TSPAN15: variants seen among roughly 807,000 people sequenced by gnomAD.
TSPAN15 encodes the protein tetraspanin-15.
A neutral mutation model predicts 34.5 loss-of-function variants in TSPAN15; 20 were observed. The observed-to-expected ratio is 0.58, with a 90% CI of 0.41 to 0.84. The LOEUF (loss-of-function observed/expected upper bound fraction) is 0.84, where lower values mean the gene tolerates loss of function less well. Ranked by LOEUF, TSPAN15 falls within the 40% of genes least tolerant of loss-of-function variation. TSPAN15 has a pLI of 0.00. For synonymous variants in TSPAN15, 155 were observed against 153.9 expected (o/e 1.01, Z -0.05); for missense variants, 313 against 386.1 (o/e 0.81, Z 1.59).
the TSPAN15 span, among the ~76,000 whole-genome samples, chr10:69,522,672 T>C: frequency 4.1e-5 from 6 of 147,314 alleles, no homozygotes; most frequent in South Asian, 1.3e-3. Context: ...GCAAACCCTA[T>C]TGTGAACTGT....
At chr10:69,504,709 C>T (rs557357375) in intron 6 of TSPAN15, among the ~76,000 whole-genome samples, 3 of 152,280 alleles carry the variant, frequency 2.0e-5, no homozygotes, top group African/African-American at 7.2e-5. Context: ...CAGGGTTTGC[C>T]GAGCACCTAC....
At chr10:69,472,985 T>C (rs1196056300) in intron 1 of TSPAN15, among the ~76,000 whole-genome samples, 1 of 152,196 alleles carries the variant, frequency 6.6e-6, no homozygotes, top group Non-Finnish European at 1.5e-5. Flanking sequence ...AGCCACCATG[T>C]CCTGTATGCT....
chr10:69,460,734 G>A (rs1345043984), intron 1 of TSPAN15, among the ~76,000 whole-genome samples: 1 of 152,158 alleles, frequency 6.6e-6, no homozygotes, highest in African/African-American at 2.4e-5. Flanking sequence ...TTACAGAGGA[G>A]TCTTTGGGAG....
chr10:69,467,206 C>T (rs79750786), intron 1 of TSPAN15, among the ~76,000 whole-genome samples: 3,144 of 152,270 alleles, frequency 0.021, 56 homozygotes, highest in Non-Finnish European at 0.033. Context: ...TTCTAAAGCC[C>T]TCGGCACCCT....
At chr10:69,541,790 C>CTATA in the TSPAN15 span, among the ~76,000 whole-genome samples, 2 of 152,238 alleles carry the variant, frequency 1.3e-5, no homozygotes, top group African/African-American at 4.8e-5. Context: ...ATGGCCTAAG[C>CTATA]TATACATTGA....
At position 69,492,136 on chromosome 10, in the gene TSPAN15, G is replaced by T. The variant is rs185096679; in HGVS notation, c.358-3458G>T. ...AGTCCTCACTGGAGCTGCCCCTGCT[G>T]GCATGGCCTGGTTTGGAGGGGAATG... On this transcript the variant is annotated intron_variant, in intron 3 of 7. Coordinates refer to ENST00000373290, the MANE Select transcript of TSPAN15 (RefSeq NM_012339.5). 1.6e-4 allele frequency among the ~76,000 whole-genome samples: 25 copies of T among 152,320 alleles called. No homozygotes were observed. The East Asian group carries it at 3.7e-3, about 22-fold the overall frequency.
the TSPAN15 span, among the ~76,000 whole-genome samples, chr10:69,513,500 C>T: frequency 0.6 from 90,663 of 151,974 alleles, 27,473 homozygotes; most frequent in African/African-American, 0.66. Context: ...AGCCACCGTG[C>T]CCAGTCTGTG....
At chr10:69,452,617 G>A (rs964481842) in intron 1 of TSPAN15, among the ~76,000 whole-genome samples, 5 of 152,176 alleles carry the variant, frequency 3.3e-5, no homozygotes, top group African/African-American at 1.2e-4. Flanking sequence ...TATTACTATC[G>A]TGGGCAGGGA....
intron 1 of TSPAN15, among the ~76,000 whole-genome samples, chr10:69,464,045 G>A (rs1007590058): frequency 6.6e-6 from 1 of 152,184 alleles, no homozygotes; most frequent in Admixed American, 6.5e-5. Flanking sequence ...AGGAAACTGA[G>A]TATACACGGC....
At position 69,452,809 on chromosome 10, in the gene TSPAN15, G is replaced by C. The variant is rs138422596; in HGVS notation, c.96+1119G>C. ...AAGAGCAGACTTGCCCAGGGACCCA[G>C]GGTGGTCACTGACACCCCATTCCCA... On this transcript the variant is annotated intron_variant, in intron 1 of 7. Transcript: ENST00000373290. Among the ~76,000 whole-genome samples, 202 of 152,306 alleles carry C rather than the reference G, an allele frequency of 1.3e-3. 4 individuals are homozygous for C. The highest frequency in any genetic ancestry group is 3.4e-3 in the Middle Eastern group (1 of 294).
chr10:69,506,213 C>T lies in TSPAN15; in HGVS notation c.708C>T (p.Gly236=), dbSNP rs1230607193. ...TGGACAACTACACCATCATGGCGGGCATCCTCCTGGGCATCCTGCTTCCCC... is the reference window on the plus strand; with the variant it reads ...TGGACAACTACACCATCATGGCGGGTATCCTCCTGGGCATCCTGCTTCCCC... ...WFMDNYTIMA[G]ILLGILLPQF... is the part of the protein sequence containing the mutation. The change falls in exon 7 of 8, where the codon GGC becomes GGT. Residue 236 remains glycine (G), a synonymous_variant. Transcript: ENST00000373290. This position sits in a 1 kb window ranked among gnomAD's most constrained non-coding sequence, Gnocchi z 4.7. 1 of 1,614,174 alleles carries T rather than the reference C, an allele frequency of 6.2e-7. No homozygotes were observed.
At chr10:69,508,268 C>G (rs1180458501), downstream of TSPAN15, among the ~76,000 whole-genome samples, 1 of 151,282 alleles carries the variant, frequency 6.6e-6, no homozygotes, top group Admixed American at 6.6e-5. Context: ...TAGTGAAACC[C>G]CATCTCTACT....
At chr10:69,487,464 G>A (rs535492780) in intron 3 of TSPAN15, among the ~76,000 whole-genome samples, 5 of 151,748 alleles carry the variant, frequency 3.3e-5, no homozygotes, top group African/African-American at 9.7e-5. Context: ...GCTGTGAGGG[G>A]AGAGATCTTT....
chr10:69,494,690 C>T (rs1341215149), intron 3 of TSPAN15: 1 of 985,446 alleles, frequency 1.0e-6, no homozygotes, highest in Non-Finnish European at 1.2e-6. Flanking sequence ...CCTGTTGTCC[C>T]AGCGTACGCT....
the TSPAN15 span, among the ~76,000 whole-genome samples, chr10:69,532,436 A>T: frequency 6.6e-6 from 1 of 152,142 alleles, no homozygotes; most frequent in Non-Finnish European, 1.5e-5. Context: ...GGGAAAGGAC[A>T]CCCTTTTCAA....
At chr10:69,464,687 G>C (rs959542829) in intron 1 of TSPAN15, among the ~76,000 whole-genome samples, 3 of 152,196 alleles carry the variant, frequency 2.0e-5, no homozygotes, top group Admixed American at 6.5e-5. Context: ...GATGTGGCCT[G>C]AACTTCCAGT....
chr10:69,455,941 G>A (rs1841098696), intron 1 of TSPAN15, among the ~76,000 whole-genome samples: 1 of 151,876 alleles, frequency 6.6e-6, no homozygotes, highest in Admixed American at 6.6e-5. Context: ...TACCTTTGTG[G>A]GTGATCACCA....
At chr10:69,514,536 T>A in the TSPAN15 span, among the ~76,000 whole-genome samples, 1 of 152,358 alleles carries the variant, frequency 6.6e-6, no homozygotes, top group African/African-American at 2.4e-5. Context: ...TTAATGGATA[T>A]AAGACTACTT....
intron 1 of TSPAN15, among the ~76,000 whole-genome samples, chr10:69,479,831 G>A (rs2133104445): frequency 6.6e-6 from 1 of 152,346 alleles, no homozygotes; most frequent in South Asian, 2.1e-4. Flanking sequence ...GCTGTATGGG[G>A]AGCTGCCTGG....
Sources: gnomAD v4.1 joint callset for allele counts (sites outside exome capture counted in the v4.1 genomes callset) on GRCh38, gnomAD v4.1.1 for gene constraint, Gnocchi (gnomAD v3.1) non-coding constraint, MANE v1.5 for transcripts, NCBI Gene and HGNC (gene_info 2026-07-23, HGNC 2026-07-21) for gene names.